Variants in PCDHGA11 observed in about 807,000 individuals in gnomAD.
The protein encoded by PCDHGA11 is protocadherin gamma subfamily A, 11.
PCDHGA11 carries 39 observed loss-of-function variants against 60.4 expected under a neutral mutation model. The observed-to-expected ratio is 0.65, with a 90% CI of 0.50 to 0.84. The LOEUF is 0.84. Ranked by LOEUF, PCDHGA11 falls within the 40% of genes least tolerant of loss-of-function variation. The probability of loss-of-function intolerance (pLI) is 0.00; values close to 1 mark genes in which losing one functional copy is unlikely to be tolerated. For synonymous variants in PCDHGA11, 533 were observed against 510.3 expected, an observed-to-expected ratio of 1.04 and a Z score of -0.60; for missense variants, 1,165 against 1,197.7, an observed-to-expected ratio of 0.97 and a Z score of 0.40.
Position 141,477,197 on chromosome 5 carries a change from G to C in PCDHGA11, c.2434-17610G>C, listed in dbSNP as rs781504885. 6.2e-7 allele frequency: 1 copy of C among 1,614,210 alleles called. No homozygotes were observed. Among genetic ancestry groups the C allele is most frequent in the South Asian group, 1.1e-5 (1 of 91,082 alleles). On this transcript the variant is annotated intron_variant, in intron 1 of 3. Transcript: ENST00000398587. The surrounding 1 kb of genome is among the most constrained non-coding windows in gnomAD (Gnocchi z 4.9). ...CACAGTCACCTCCGTGTACAGCCCA[G>C]TACCCGAGGATGCCCCTCTGGGGAC...
intron 1 of PCDHGA11, among the ~76,000 whole-genome samples, chr5:141,444,058 C>A (rs2154560450): frequency 6.8e-6 from 1 of 147,774 alleles, no homozygotes; most frequent in East Asian, 2.0e-4. Context: ...CATCTTCAAT[C>A]TAGATTCTGA....
Position 141,443,030 on chromosome 5 carries a change from C to A in PCDHGA11, c.2433+19370C>A, listed in dbSNP as rs147317486. ...ATATGACTAATGGAAGTTGCCAGAC[C>A]TAAACTTTGAAAATTATTGTTCCAC... On this transcript the variant is annotated intron_variant, in intron 1 of 3. Transcript: ENST00000398587. Among the ~76,000 whole-genome samples, 31 of 152,290 alleles carry A rather than the reference C, an allele frequency of 2.0e-4. No individual in the cohort carries two copies. The East Asian group carries it at 3.5e-3, about 17-fold the overall frequency.
intron 2 of PCDHGA11, among the ~76,000 whole-genome samples, chr5:141,498,039 A>G (rs2099781185): frequency 6.6e-6 from 1 of 152,264 alleles, no homozygotes; most frequent in Non-Finnish European, 1.5e-5. Flanking sequence ...CCAAATAATT[A>G]CAAAAATAAA....
chr5:141,485,070 G>T lies in PCDHGA11; in HGVS notation c.2434-9737G>T. ...CGCCGGCCGAACCGCGCCAGAGCTG[G>T]CGCGGGGAAAGGGAGATAGGTGTCT... On this transcript the variant is annotated intron_variant, in intron 1 of 3. Coordinates refer to ENST00000398587, the MANE Select transcript of PCDHGA11 (RefSeq NM_018914.3). This position sits in a 1 kb window ranked among gnomAD's most constrained non-coding sequence, Gnocchi z 5.7. 1.1e-6 allele frequency: 1 copy of T among 908,406 alleles called. No individual in the cohort carries two copies. Among genetic ancestry groups the T allele is most frequent in the East Asian group, 2.4e-5 (1 of 41,326 alleles). 56.3% of individuals were successfully genotyped at this position (908,406 alleles called of 1,614,324 possible).
rs1345800081 is a variant in PCDHGA11, at chr5:141,485,453, G to A, written c.2434-9354G>A. 1 of 1,614,176 alleles carries A rather than the reference G, an allele frequency of 6.2e-7. No homozygotes were observed. The highest frequency in any genetic ancestry group is 8.5e-7 in the Non-Finnish European group (1 of 1,180,036). On this transcript the variant is annotated intron_variant, in intron 1 of 3. Transcript: ENST00000398587. The surrounding 1 kb of genome is among the most constrained non-coding windows in gnomAD (Gnocchi z 5.7). ...CATCAAGAACCCAATCGACCGAGAG[G>A]CACTGTGTGGGCTCAGTGCCAGCTG...
chr5:141,454,587 G>A (rs1000852095), intron 1 of PCDHGA11, among the ~76,000 whole-genome samples: 22 of 150,902 alleles, frequency 1.5e-4, no homozygotes, highest in African/African-American at 5.4e-4. Context: ...TGTATTTTTA[G>A]TAGAGACAGG....
At chr5:141,482,561 T>C (rs1411268228) in intron 1 of PCDHGA11, among the ~76,000 whole-genome samples, 3 of 136,978 alleles carry the variant, frequency 2.2e-5, no homozygotes, top group African/African-American at 8.6e-5. Flanking sequence ...ATAATGGAGA[T>C]CTGCATAGCA....
intron 1 of PCDHGA11, among the ~76,000 whole-genome samples, chr5:141,458,909 T>G (rs548847649): frequency 6.6e-6 from 1 of 152,192 alleles, no homozygotes; most frequent in African/African-American, 2.4e-5. Context: ...TTTTTTCTAT[T>G]TTTTGTGGAG....
At chr5:141,437,761 C>G (rs1200327020) in intron 1 of PCDHGA11, among the ~76,000 whole-genome samples, 3 of 144,682 alleles carry the variant, frequency 2.1e-5, no homozygotes, top group Admixed American at 7.0e-5. Flanking sequence ...TTTTTTGAGA[C>G]AGAGTCTCAA....
chr5:141,421,991 A>T lies in PCDHGA11; in HGVS notation c.764A>T (p.Asn255Ile). The part of the protein sequence containing the change: ...QSVYRVSVPE[N>I]ISSGTRVLMV... The stretch of plus-strand genomic sequence containing the variant: ...GTATATCGCGTGAGTGTTCCAGAAA[A>T]CATCAGCTCCGGAACTCGGGTGCTG... Residue 255 changes from asparagine (N) to isoleucine (I), a missense_variant, in exon 1 of 4, where the codon AAC (asparagine) becomes ATC (isoleucine). Coordinates refer to ENST00000398587, the MANE Select transcript of PCDHGA11 (RefSeq NM_018914.3). 1 of 1,608,656 alleles carries T rather than the reference A, an allele frequency of 6.2e-7. No individual in the cohort carries two copies. The highest frequency in any genetic ancestry group is 8.5e-7 in the Non-Finnish European group (1 of 1,177,624).
chr5:141,435,904 C>G (rs967350870), intron 1 of PCDHGA11, among the ~76,000 whole-genome samples: 2 of 152,068 alleles, frequency 1.3e-5, no homozygotes, highest in Admixed American at 6.5e-5. Context: ...TGAAAGACAT[C>G]CAAGGGCTCT....
rs2099605934 is a variant in PCDHGA11, at chr5:141,485,057, C to G, written c.2434-9750C>G. On this transcript the variant is annotated intron_variant, in intron 1 of 3. Transcript: ENST00000398587. The surrounding 1 kb of genome is among the most constrained non-coding windows in gnomAD (Gnocchi z 5.7). ...GTAACCCTTGCGGCGCCGGCCGAAC[C>G]GCGCCAGAGCTGGCGCGGGGAAAGG... The G allele has an allele frequency of 1.2e-6, 1 of 843,720 alleles. No homozygotes were observed. Among genetic ancestry groups the G allele is most frequent in the Non-Finnish European group, 1.9e-6 (1 of 524,586 alleles). 52.3% of individuals were successfully genotyped at this position (843,720 alleles called of 1,614,324 possible).
intron 1 of PCDHGA11, among the ~76,000 whole-genome samples, chr5:141,444,933 G>A (rs1004890599): frequency 3.3e-5 from 5 of 152,152 alleles, no homozygotes; most frequent in African/African-American, 1.2e-4. Context: ...AAAGAGGGAA[G>A]GAGGGAGGAG....
In PCDHGA11 at chr5:141,431,265, G is replaced by T; in HGVS notation, c.2433+7605G>T. On this transcript the variant is annotated intron_variant, in intron 1 of 3. Transcript: ENST00000398587. The surrounding 1 kb of genome is among the most constrained non-coding windows in gnomAD (Gnocchi z 4.8). ...GATATCGGGAAGAACTCTCTGCAGAGCTACGAGCTCAGCCCGAACACTCAC... is the reference window on the plus strand; with the variant it reads ...GATATCGGGAAGAACTCTCTGCAGATCTACGAGCTCAGCCCGAACACTCAC... 1 of 1,614,168 alleles carries T rather than the reference G, an allele frequency of 6.2e-7. No homozygotes were observed. The highest frequency in any genetic ancestry group is 8.5e-7 in the Non-Finnish European group (1 of 1,180,054).
intron 1 of PCDHGA11, among the ~76,000 whole-genome samples, chr5:141,438,252 G>A (rs1181991674): frequency 6.6e-6 from 1 of 152,072 alleles, no homozygotes. Context: ...AACTGTCATT[G>A]AAGAGACCAT....
rs1299573831 is a variant in PCDHGA11 at position 141,500,662 on chromosome 5, T to A, written c.2493-4731T>A. 5.3e-5 allele frequency among the ~76,000 whole-genome samples: 8 copies of A among 152,352 alleles called. No homozygotes were observed. The East Asian group carries it at 1.5e-3, about 29-fold the overall frequency. ...TTTTTAAAAATAGCAACTGAGGCCA[T>A]ACTGTCCAACAGAATTATAGCTTTT... On this transcript the variant is annotated intron_variant, in intron 2 of 3. Coordinates refer to ENST00000398587, the MANE Select transcript of PCDHGA11 (RefSeq NM_018914.3).
intron 1 of PCDHGA11, among the ~76,000 whole-genome samples, chr5:141,492,574 G>T (rs2099742096): frequency 6.6e-6 from 1 of 152,232 alleles, no homozygotes; most frequent in Non-Finnish European, 1.5e-5. Flanking sequence ...TGAGCGAGGC[G>T]CGGGGCCAGG....
intron 1 of PCDHGA11, among the ~76,000 whole-genome samples, chr5:141,460,987 ATATATATATGTG>A (rs2099005819): frequency 1.1e-5 from 1 of 92,944 alleles, no homozygotes; most frequent in Admixed American, 9.9e-5. Flanking sequence ...GTGTGTGTAT[ATATATATATGTG>A]TATATATATA....
In PCDHGA11 at chr5:141,422,581, G is replaced by C; in HGVS notation, c.1354G>C (p.Val452Leu). ...GGCAGATGACAACGATAACCCTCCC[G>C]TTTTTCCTCACTCCTCTTACTCTGC... ...NVADDNDNPP[V>L]FPHSSYSAYI... Residue 452 changes from valine to leucine, a missense_variant, in exon 1 of 4, where the codon GTT (valine) becomes CTT (leucine). Physicochemically the swap from Val to Leu is conservative, Grantham distance 32. Coordinates refer to ENST00000398587, the MANE Select transcript of PCDHGA11 (RefSeq NM_018914.3). The C allele has an allele frequency of 6.2e-7, 1 of 1,613,984 alleles. No individual in the cohort carries two copies. The highest frequency in any genetic ancestry group is 8.5e-7 in the Non-Finnish European group (1 of 1,179,956).
Sources: gnomAD v4.1 joint callset for allele counts (sites outside exome capture counted in the v4.1 genomes callset) on GRCh38, gnomAD v4.1.1 for gene constraint, Gnocchi (gnomAD v3.1) non-coding constraint, MANE v1.5 for transcripts, NCBI Gene and HGNC (gene_info 2026-07-23, HGNC 2026-07-21) for gene names.